EYS: variants seen among roughly 807,000 people sequenced by gnomAD.
EYS encodes EGF-like photoreceptor maintenance factor.
A neutral mutation model predicts 282.1 loss-of-function variants in EYS; 250 were observed. The observed-to-expected ratio is 0.89, with a 90% confidence interval of 0.80 to 0.98. The LOEUF is 0.98. Among genes scored for constraint, EYS ranks in the 50% least tolerant of loss-of-function variants. The pLI is 0.00. For synonymous variants in EYS, 1,355 were observed against 1,282.9 expected, an observed-to-expected ratio of 1.06 and a Z score of -1.20; for missense variants, 4,016 against 3,709.0, an observed-to-expected ratio of 1.08 and a Z score of -2.15.
intron 36 of EYS, among the ~76,000 whole-genome samples, chr6:63,812,005 G>A (rs2149681673): frequency 6.6e-6 from 1 of 152,246 alleles, no homozygotes; most frequent in Non-Finnish European, 1.5e-5. Context: ...CTTCTTAGCT[G>A]GTCTCCGTGT....
intron 28 of EYS, among the ~76,000 whole-genome samples, chr6:64,429,229 C>T (rs1039237333): frequency 1.3e-5 from 2 of 152,020 alleles, no homozygotes; most frequent in African/African-American, 4.8e-5. Flanking sequence ...AATATGTTTT[C>T]AAGTAAAATG....
intron 26 of EYS, among the ~76,000 whole-genome samples, chr6:64,493,896 T>C (rs1361197858): frequency 2.6e-5 from 4 of 151,492 alleles, no homozygotes; most frequent in Non-Finnish European, 5.9e-5. Flanking sequence ...TTCAGAACCA[T>C]CTTCTCCCCA....
intron 26 of EYS, among the ~76,000 whole-genome samples, chr6:64,548,516 A>T (rs768692498): frequency 1.3e-5 from 2 of 152,210 alleles, no homozygotes; most frequent in Non-Finnish European, 2.9e-5. Flanking sequence ...GGATGAGTTC[A>T]TGTGCTTCGT....
intron 31 of EYS, among the ~76,000 whole-genome samples, chr6:64,088,974 C>T (rs1456801237): frequency 6.6e-6 from 1 of 151,558 alleles, no homozygotes; most frequent in East Asian, 1.9e-4. Flanking sequence ...TTTCTTGGTA[C>T]CAGAAGAAAC....
rs528785233 is a variant in EYS, at chr6:65,048,929, A to T, written c.2137+8685T>A. On this transcript the variant is annotated intron_variant, in intron 13 of 42. Coordinates refer to ENST00000503581, the MANE Select transcript of EYS (RefSeq NM_001142800.2). ...TACCTCTACAATAGACCACAGCTTG[A>T]TTTCTGCAAGCAGTTAATTTTTTCT... Among the ~76,000 whole-genome samples, 7 of 151,972 alleles carry T rather than the reference A, an allele frequency of 4.6e-5. 1 individual carries two copies. The South Asian group carries it at 1.4e-3, about 31-fold the overall frequency.
intron 28 of EYS, among the ~76,000 whole-genome samples, chr6:64,391,744 C>T (rs1773156914): frequency 6.6e-6 from 1 of 151,972 alleles, no homozygotes; most frequent in Non-Finnish European, 1.5e-5. Context: ...CAGCTAACAT[C>T]ATAATGACAG....
At chr6:64,912,077 A>G (rs1768012319) in intron 16 of EYS, among the ~76,000 whole-genome samples, 1 of 152,128 alleles carries the variant, frequency 6.6e-6, no homozygotes, top group African/African-American at 2.4e-5. Context: ...TAATATTTTG[A>G]TAGCTCCAGA....
rs571092993 is a variant in EYS, at chr6:65,476,701, C to T, written c.862+13893G>A. On this transcript the variant is annotated intron_variant, in intron 5 of 42. Coordinates refer to ENST00000503581, the MANE Select transcript of EYS (RefSeq NM_001142800.2). Reference sequence around the variant, plus strand: ...AAGTGATTCTCCTGCCTCAGCCTCCCGAGTAGCTGGGACTACAGGCGCGTG... The same window carrying T: ...AAGTGATTCTCCTGCCTCAGCCTCCTGAGTAGCTGGGACTACAGGCGCGTG... Among the ~76,000 whole-genome samples the T allele has an allele frequency of 1.2e-4, 18 of 152,064 alleles. No homozygotes were observed. In the East Asian group the frequency reaches 1.8e-3, roughly 15 times the overall value.
At chr6:63,888,049 G>T (rs1479700205) in intron 35 of EYS, among the ~76,000 whole-genome samples, 1 of 152,180 alleles carries the variant, frequency 6.6e-6, no homozygotes, top group African/African-American at 2.4e-5. Context: ...GGAACCCACT[G>T]CAGTGCCTCA....
At chr6:64,219,959 C>A (rs1450129499) in intron 31 of EYS, among the ~76,000 whole-genome samples, 3 of 152,064 alleles carry the variant, frequency 2.0e-5, no homozygotes, top group Admixed American at 6.6e-5. Context: ...CATGTTCTCA[C>A]TCATGGGTGG....
chr6:63,740,409 A>G (rs1211768737), intron 41 of EYS, among the ~76,000 whole-genome samples: 2 of 152,192 alleles, frequency 1.3e-5, no homozygotes, highest in Non-Finnish European at 2.9e-5. Context: ...CTCTCCAGCC[A>G]TGTGGAACTG....
At chr6:64,460,517 TAG>T (rs1775709270) in intron 26 of EYS, among the ~76,000 whole-genome samples, 1 of 152,238 alleles carries the variant, frequency 6.6e-6, no homozygotes, top group African/African-American at 2.4e-5. Flanking sequence ...AAGCAATGTT[TAG>T]AGAGTCACAT....
Position 65,057,659 on chromosome 6 carries a change from C to T in EYS, c.2092G>A (p.Asp698Asn), listed in dbSNP as rs1309098293. 3 of 1,551,038 alleles carry T rather than the reference C, an allele frequency of 1.9e-6. No individual in the cohort carries two copies. The highest frequency in any genetic ancestry group is 4.9e-5 in the East Asian group (2 of 40,858). The change falls in exon 13 of 43, where the codon GAC becomes AAC. Residue 698 changes from aspartate to asparagine, a missense_variant. Asp to Asn is a conservative substitution (Grantham distance 23). Coordinates refer to ENST00000503581, the MANE Select transcript of EYS (RefSeq NM_001142800.2). ...HPCKNGATCI[D>N]QPGNYFCQCV... Reference sequence around the variant, plus strand: ...TGGCAGAAGTAATTACCAGGTTGGTCAATGCAGGTGGCTCCATTTTTGCAG... The same window carrying T: ...TGGCAGAAGTAATTACCAGGTTGGTTAATGCAGGTGGCTCCATTTTTGCAG...
At chr6:64,463,934 G>A (rs1410346434) in intron 26 of EYS, among the ~76,000 whole-genome samples, 6 of 152,100 alleles carry the variant, frequency 3.9e-5, no homozygotes, top group Non-Finnish European at 7.4e-5. Context: ...GATTCATTGC[G>A]TGAAGCTAGC....
chr6:65,521,862 T>C (rs1446168449), intron 2 of EYS, among the ~76,000 whole-genome samples: 2 of 152,158 alleles, frequency 1.3e-5, no homozygotes, highest in Admixed American at 6.5e-5. Context: ...CAGTGTCTCG[T>C]AGGGTTCTTG....
At chr6:64,001,827 T>G (rs1222348919) in intron 33 of EYS, among the ~76,000 whole-genome samples, 1 of 152,246 alleles carries the variant, frequency 6.6e-6, no homozygotes, top group East Asian at 1.9e-4. Flanking sequence ...CTACTTTTAC[T>G]AATATCAACA....
chr6:64,270,869 C>A (rs1205106101), intron 30 of EYS, among the ~76,000 whole-genome samples: 1 of 152,126 alleles, frequency 6.6e-6, no homozygotes, highest in Non-Finnish European at 1.5e-5. Context: ...ACTGAAACAG[C>A]ATAGTTGTTA....
chr6:65,522,531 G>A (rs1432584968), intron 2 of EYS, among the ~76,000 whole-genome samples: 4 of 152,068 alleles, frequency 2.6e-5, no homozygotes, highest in Non-Finnish European at 2.9e-5. Context: ...TGAGAGAGTC[G>A]ATCTGTCATC....
At chr6:64,110,982 A>C (rs1217553300) in intron 31 of EYS, among the ~76,000 whole-genome samples, 1 of 152,026 alleles carries the variant, frequency 6.6e-6, no homozygotes, top group Non-Finnish European at 1.5e-5. Flanking sequence ...GAGAAGAATC[A>C]TAGGGCAGTA....
Sources: allele counts gnomAD v4.1 joint callset (sites outside exome capture counted in the v4.1 genomes callset), GRCh38; gene constraint gnomAD v4.1.1; transcripts MANE v1.5; gene names NCBI Gene and HGNC (gene_info 2026-07-23, HGNC 2026-07-21).